The following SMC6 variants were observed in gnomAD, a reference collection of about 807,000 sequenced individuals.
The protein encoded by SMC6 is structural maintenance of chromosomes protein 6.
SMC6 carries 79 observed loss-of-function variants against 142.2 expected under a neutral mutation model. The observed-to-expected ratio is 0.56, with a 90% CI of 0.46 to 0.67. The LOEUF (loss-of-function observed/expected upper bound fraction) is 0.67. SMC6 is among the 30% of genes least tolerant of loss of function. SMC6 has a pLI of 0.00. For synonymous variants in SMC6, 411 were observed against 412.4 expected, an observed-to-expected ratio of 1.00 and a Z score of 0.04; for missense variants, 1,072 against 1,284.0, an observed-to-expected ratio of 0.83 and a Z score of 2.52.
At chr2:17,726,350 C>G (rs745566822) in intron 8 of SMC6, 39 bp downstream of exon 8, 2 of 1,515,234 alleles carry the variant, frequency 1.3e-6, no homozygotes, top group South Asian at 1.2e-5. Context: ...TAAAGGTATT[C>G]TTTTTAAATG....
At chr2:17,677,939 A>C (rs190385602) in intron 25 of SMC6, among the ~76,000 whole-genome samples, 1 of 152,348 alleles carries the variant, frequency 6.6e-6, no homozygotes, top group East Asian at 1.9e-4. Context: ...AACTAAGAGT[A>C]GTAGGTAATT....
chr2:17,695,303 A>T lies in SMC6; in HGVS notation c.2533-6T>A. ...CTTGCTTGTGACATTTTCTCCTAAG[A>T]AAGTAGATGTTTATATCTTTAAAAC... On this transcript the variant is annotated splice_region_variant and splice_polypyrimidine_tract_variant and intron_variant, in intron 22 of 27. Transcript: ENST00000448223. 1 of 1,610,928 alleles carries T rather than the reference A, an allele frequency of 6.2e-7. No individual in the cohort carries two copies. The highest frequency in any genetic ancestry group is 8.5e-7 in the Non-Finnish European group (1 of 1,179,342).
At chr2:17,720,841 A>T in intron 11 of SMC6, 99 bp downstream of exon 11, 1 of 982,982 alleles carries the variant, frequency 1.0e-6, no homozygotes, top group Non-Finnish European at 1.5e-6. Flanking sequence ...AGACAAATAT[A>T]CTGTCTGAAA....
At chr2:17,728,827 C>T (rs1195150465) in intron 7 of SMC6, among the ~76,000 whole-genome samples, 1 of 151,988 alleles carries the variant, frequency 6.6e-6, no homozygotes, top group South Asian at 2.1e-4. Context: ...CAGCTCACTG[C>T]AACCTCTGCC....
intron 2 of SMC6, among the ~76,000 whole-genome samples, chr2:17,750,222 TAGC>T (rs1372361713): frequency 1.3e-5 from 2 of 152,160 alleles, no homozygotes; most frequent in African/African-American, 4.8e-5. Context: ...GTAAGAATAG[TAGC>T]AGAAGAGATG....
At chr2:17,728,831 C>T (rs936555102) in intron 7 of SMC6, among the ~76,000 whole-genome samples, 2 of 152,118 alleles carry the variant, frequency 1.3e-5, no homozygotes, top group African/African-American at 4.8e-5. Flanking sequence ...TCACTGCAAC[C>T]TCTGCCTCCT....
chr2:17,726,206 T>G (rs1220937656), intron 8 of SMC6, among the ~76,000 whole-genome samples, 183 bp downstream of exon 8: 3 of 151,318 alleles, frequency 2.0e-5, no homozygotes, highest in Non-Finnish European at 2.9e-5. Context: ...AAACAAAGAT[T>G]TAAAAAAATT....
intron 3 of SMC6, among the ~76,000 whole-genome samples, chr2:17,745,085 G>GT (rs1276225675): frequency 3.9e-5 from 6 of 152,146 alleles, no homozygotes; most frequent in Non-Finnish European, 7.3e-5. Context: ...TGAATACCAA[G>GT]TAACAACTAC....
chr2:17,704,743 T>G (rs990286478), intron 18 of SMC6, among the ~76,000 whole-genome samples: 1 of 152,164 alleles, frequency 6.6e-6, no homozygotes, highest in African/African-American at 2.4e-5. Context: ...GTAAAACAAC[T>G]GTGCTACCTT....
At chr2:17,727,294 T>C (rs1356232841) in intron 7 of SMC6, among the ~76,000 whole-genome samples, 1 of 152,156 alleles carries the variant, frequency 6.6e-6, no homozygotes, top group African/African-American at 2.4e-5. Flanking sequence ...GTGGTTGGAA[T>C]ATAAAGCAGG....
At chr2:17,713,609 A>G (rs1178123673) in intron 16 of SMC6, 1 of 458,424 alleles carries the variant, frequency 2.2e-6, no homozygotes, top group Non-Finnish European at 4.6e-6. Flanking sequence ...TTCAAGAAGG[A>G]CATTCCTCAC....
intron 16 of SMC6, among the ~76,000 whole-genome samples, chr2:17,711,033 T>C (rs1189536870): frequency 2.0e-5 from 3 of 151,070 alleles, no homozygotes; most frequent in Non-Finnish European, 4.4e-5. Flanking sequence ...AGAAAGGGAG[T>C]AGGAGTCTAA....
intron 25 of SMC6, 32 bp downstream of exon 25, chr2:17,678,827 A>C (rs1667117262): frequency 7.0e-7 from 1 of 1,437,350 alleles, no homozygotes; most frequent in African/African-American, 1.4e-5. Context: ...AGTTTTTCTA[A>C]TGATTAGGAT....
rs148247557 is a variant in SMC6, at chr2:17,746,685, T to C, written c.-5-734A>G. 2.3e-3 allele frequency among the ~76,000 whole-genome samples: 355 copies of C among 152,302 alleles called. 2 individuals are homozygous for C. The highest frequency in any genetic ancestry group is 2.5e-3 in the Non-Finnish European group (173 of 68,016). On this transcript the variant is annotated intron_variant, in intron 2 of 27. Transcript: ENST00000448223. ...AACATCTTTTAAATTACACATGATTTTGCTAAACATATGAATACTGGATCT... is the reference window on the plus strand; with the variant it reads ...AACATCTTTTAAATTACACATGATTCTGCTAAACATATGAATACTGGATCT...
intron 4 of SMC6, 35 bp downstream of exon 4, chr2:17,741,577 G>A (rs1429439412): frequency 7.2e-7 from 1 of 1,382,242 alleles, no homozygotes; most frequent in Non-Finnish European, 1.0e-6. Context: ...TCAAAGTACT[G>A]CTCAAAGTCA....
intron 23 of SMC6, among the ~76,000 whole-genome samples, chr2:17,684,477 G>A (rs531901625): frequency 6.6e-6 from 1 of 152,124 alleles, no homozygotes; most frequent in African/African-American, 2.4e-5. Flanking sequence ...AAACTTATTA[G>A]AACAGTGTTG....
chr2:17,749,115 T>C (rs1670894715), intron 2 of SMC6, among the ~76,000 whole-genome samples: 1 of 152,142 alleles, frequency 6.6e-6, no homozygotes, highest in Non-Finnish European at 1.5e-5. Flanking sequence ...TTCGAATGTC[T>C]AGAGCATCAG....
intron 16 of SMC6, chr2:17,713,653 C>G (rs1668939231): frequency 5.2e-6 from 2 of 388,218 alleles, no homozygotes; most frequent in Non-Finnish European, 1.1e-5. Flanking sequence ...TCACTCTAAC[C>G]AGAAACCTAG....
intron 2 of SMC6, among the ~76,000 whole-genome samples, chr2:17,750,656 G>C (rs1009056720): frequency 6.6e-6 from 1 of 152,030 alleles, no homozygotes; most frequent in Non-Finnish European, 1.5e-5. Flanking sequence ...GAGTGAAATT[G>C]GCTATTAATC....
Sources: allele counts gnomAD v4.1 joint callset (sites outside exome capture counted in the v4.1 genomes callset), GRCh38; gene constraint gnomAD v4.1.1; transcripts MANE v1.5; gene names NCBI Gene and HGNC (gene_info 2026-07-23, HGNC 2026-07-21).